The following TET3 variants were observed in gnomAD, a reference collection of about 807,000 sequenced individuals.
The protein encoded by TET3 is tet methylcytosine dioxygenase 3.
Under a neutral mutation model 141.4 loss-of-function variants are expected in TET3, and 19 were observed. The observed-to-expected ratio is 0.13, with a 90% confidence interval of 0.09 to 0.20. The LOEUF is 0.20. Ranked by LOEUF, TET3 falls within the 10% of genes least tolerant of loss-of-function variation. The pLI, the probability that TET3 is intolerant of heterozygous loss-of-function variation, is 1.00. For synonymous variants in TET3, 1,043 were observed against 980.9 expected (o/e 1.06, Z -1.18); for missense variants, 1,874 against 2,356.9 (o/e 0.80, Z 4.24).
chr2:74,063,521 T>TA (rs778376970), intron 4 of TET3, among the ~76,000 whole-genome samples: 1 of 152,202 alleles, frequency 6.6e-6, no homozygotes, highest in Non-Finnish European at 1.5e-5. Flanking sequence ...TTTAATACCT[T>TA]ACAAAACCTG....
downstream of TET3, among the ~76,000 whole-genome samples, chr2:74,108,637 C>T (rs145199622): frequency 2.8e-4 from 42 of 152,252 alleles, no homozygotes; most frequent in African/African-American, 9.6e-4. Context: ...AGAGGTTTCC[C>T]GCAAGATCCC....
At chr2:74,110,476 G>A (rs1313678124), downstream of TET3, among the ~76,000 whole-genome samples, 1 of 152,040 alleles carries the variant, frequency 6.6e-6, no homozygotes, top group African/African-American at 2.4e-5. Flanking sequence ...CCATGGGATG[G>A]TGCATCCATA....
chr2:74,024,342 A>G (rs926035428), intron 3 of TET3, among the ~76,000 whole-genome samples: 7 of 152,228 alleles, frequency 4.6e-5, no homozygotes, highest in Non-Finnish European at 1.0e-4. Context: ...TGGCATGCAC[A>G]TGACAGGGGC....
chr2:74,068,475 A>G (rs1689029287), intron 4 of TET3, among the ~76,000 whole-genome samples: 1 of 152,322 alleles, frequency 6.6e-6, no homozygotes, highest in South Asian at 2.1e-4. Flanking sequence ...TTATATGGAT[A>G]TGCTGTAATG....
At chr2:73,984,044 C>T (rs1000463586), upstream of TET3, among the ~76,000 whole-genome samples, 2 of 152,382 alleles carry the variant, frequency 1.3e-5, no homozygotes, top group Admixed American at 6.5e-5. This position sits in a 1 kb window ranked among gnomAD's most constrained non-coding sequence, Gnocchi z 5.6. Flanking sequence ...TGCCCCTTAC[C>T]CCCTGCCTGG....
chr2:74,093,533 C>A lies in TET3; in HGVS notation c.3134C>A (p.Thr1045Asn), dbSNP rs1690633437. 6.2e-7 allele frequency: 1 copy of A among 1,607,648 alleles called. No individual in the cohort carries two copies. The highest frequency in any genetic ancestry group is 1.7e-4 in the Middle Eastern group (1 of 6,034). ...TCTCCTTGGCTGTCTACACAGGTGA[C>A]CAACGAGGAAATAGCGATTGACTGC... ...LAPQAYQNQVTNEEIAIDCRL... is the reference protein window; with the variant it reads ...LAPQAYQNQVNNEEIAIDCRL... The change falls in exon 10 of 12, where the codon ACC (threonine) becomes AAC (asparagine). Residue 1045 changes from threonine (T) to asparagine (N), a missense_variant. Transcript: ENST00000409262. The surrounding 1 kb of genome is among the most constrained non-coding windows in gnomAD (Gnocchi z 4.2).
chr2:74,121,317 A>G, the TET3 span: 4 of 152,366 alleles, frequency 2.6e-5, no homozygotes, highest in African/African-American at 9.6e-5. Flanking sequence ...GATAGAGGGA[A>G]AGAGGATAGT....
At chr2:74,038,022 G>A (rs535594451) in intron 3 of TET3, among the ~76,000 whole-genome samples, 1 of 152,332 alleles carries the variant, frequency 6.6e-6, no homozygotes, top group East Asian at 1.9e-4. Flanking sequence ...TGGGTGGGGA[G>A]AGCAGGGTGC....
chr2:74,111,598 A>T (rs1691706908), downstream of TET3, among the ~76,000 whole-genome samples: 3 of 152,118 alleles, frequency 2.0e-5, no homozygotes, highest in African/African-American at 7.2e-5. Context: ...ACAGATATGG[A>T]CTCCTCCCTG....
intron 2 of TET3, 28 bp downstream of exon 2, chr2:73,986,734 G>C (rs1684046086): frequency 1.6e-6 from 2 of 1,231,686 alleles, no homozygotes; most frequent in South Asian, 4.1e-5. Flanking sequence ...GGGCTACCCT[G>C]TTCCTTCCTC....
intron 4 of TET3, among the ~76,000 whole-genome samples, chr2:74,071,254 C>T (rs976982342): frequency 1.3e-5 from 2 of 152,192 alleles, no homozygotes; most frequent in African/African-American, 4.8e-5. Context: ...GCCCTACCTC[C>T]AAATGCTATC....
chr2:74,067,855 A>G (rs1688995603), intron 4 of TET3, among the ~76,000 whole-genome samples: 1 of 152,224 alleles, frequency 6.6e-6, no homozygotes, highest in South Asian at 2.1e-4. Flanking sequence ...GTTGCAAGGC[A>G]GGGAGGTGTG....
At chr2:74,066,062 G>T (rs1688882816) in intron 4 of TET3, among the ~76,000 whole-genome samples, 1 of 152,054 alleles carries the variant, frequency 6.6e-6, no homozygotes, top group Non-Finnish European at 1.5e-5. Context: ...TGGCCCACCT[G>T]GTTCCTTTTA....
At chr2:74,025,223 CAAA>C (rs1195395463) in intron 3 of TET3, among the ~76,000 whole-genome samples, 2 of 64,774 alleles carry the variant, frequency 3.1e-5, no homozygotes. Flanking sequence ...GACTCCGCCT[CAAA>C]AAAAAAAAAA....
rs548622619 is a variant in TET3 at position 73,988,817 on chromosome 2, C to G, written c.303+2111C>G. ...ACTTTCTGTGACTCAAAGAGCAGTACTTTTTTTCTAAGGATAGGTCCTTTC... is the reference window on the plus strand; with the variant it reads ...ACTTTCTGTGACTCAAAGAGCAGTAGTTTTTTTCTAAGGATAGGTCCTTTC... On this transcript the variant is annotated intron_variant, in intron 2 of 11. Transcript: ENST00000409262. Among the ~76,000 whole-genome samples the G allele has an allele frequency of 1.6e-4, 25 of 151,896 alleles. No homozygotes were observed. In the South Asian group the frequency reaches 4.6e-3, roughly 28 times the overall value.
the TET3 span, among the ~76,000 whole-genome samples, chr2:74,117,913 T>C: frequency 0.019 from 2,921 of 152,138 alleles, 84 homozygotes; most frequent in African/African-American, 0.065. Context: ...ACCCAGCTAA[T>C]TTTTGTATTT....
chr2:74,071,804 T>A (rs1689219732), intron 4 of TET3, among the ~76,000 whole-genome samples: 2 of 152,228 alleles, frequency 1.3e-5, no homozygotes, highest in South Asian at 4.1e-4. Context: ...CCTCCTAATA[T>A]CCAGCCACAT....
intron 4 of TET3, among the ~76,000 whole-genome samples, chr2:74,059,596 A>G (rs1377684638): frequency 2.0e-5 from 3 of 151,812 alleles, no homozygotes. Context: ...ACTGTTGTCC[A>G]GGCCAGAGTA....
intron 8 of TET3, among the ~76,000 whole-genome samples, chr2:74,092,429 TCTGGG>T (rs569626705): frequency 4.6e-5 from 7 of 152,056 alleles, no homozygotes; most frequent in East Asian, 1.9e-4. Flanking sequence ...TATGACAGGC[TCTGGG>T]CTGGGCTGGG....
Sources: allele counts gnomAD v4.1 joint callset (sites outside exome capture counted in the v4.1 genomes callset), GRCh38; gene constraint gnomAD v4.1.1; non-coding constraint Gnocchi (gnomAD v3.1); transcripts MANE v1.5; gene names NCBI Gene and HGNC (gene_info 2026-07-23, HGNC 2026-07-21).